PTPN2: variants seen among roughly 807,000 people sequenced by gnomAD.
The protein encoded by PTPN2 is tyrosine-protein phosphatase non-receptor type 2.
Under a neutral mutation model 57.3 loss-of-function variants are expected in PTPN2, and 19 were observed. The observed-to-expected ratio is 0.33, with a 90% CI of 0.23 to 0.49. The LOEUF is 0.49. Ranked by LOEUF, PTPN2 falls within the 20% of genes least tolerant of loss-of-function variation. The probability of loss-of-function intolerance (pLI) is 0.99; values close to 1 mark genes in which losing one functional copy is unlikely to be tolerated. For synonymous variants in PTPN2, 153 were observed against 164.9 expected (o/e 0.93, Z 0.55); for missense variants, 358 against 501.1 (o/e 0.71, Z 2.73).
chr18:12,875,298 G>A (rs1283876464), intron 1 of PTPN2, among the ~76,000 whole-genome samples: 5 of 137,116 alleles, frequency 3.6e-5, no homozygotes, highest in Non-Finnish European at 6.1e-5. Context: ...ACCCAAGAAT[G>A]ATCAATAAAA....
intron 2 of PTPN2, among the ~76,000 whole-genome samples, chr18:12,855,209 G>C (rs1049907621): frequency 1.3e-5 from 2 of 152,186 alleles, no homozygotes; most frequent in Non-Finnish European, 2.9e-5. Flanking sequence ...GGAGGGTGGA[G>C]AGACAAATGG....
chr18:12,882,115 T>C (rs890990065), intron 1 of PTPN2, among the ~76,000 whole-genome samples: 1 of 152,208 alleles, frequency 6.6e-6, no homozygotes, highest in African/African-American at 2.4e-5. Context: ...AATGGCTGAA[T>C]GGATGTTCTA....
chr18:12,797,029 C>T (rs1018754842), intron 8 of PTPN2, among the ~76,000 whole-genome samples: 18 of 152,108 alleles, frequency 1.2e-4, no homozygotes, highest in African/African-American at 4.1e-4. Context: ...TGTCTGAACT[C>T]CATCTGAATA....
chr18:12,817,966 C>A (rs1208675193), intron 5 of PTPN2, among the ~76,000 whole-genome samples: 2 of 152,082 alleles, frequency 1.3e-5, no homozygotes, highest in Non-Finnish European at 2.9e-5. Flanking sequence ...CATGGTGAAA[C>A]CCCGTTTCTA....
chr18:12,827,905 G>C (rs894041524), intron 4 of PTPN2, among the ~76,000 whole-genome samples: 1 of 151,930 alleles, frequency 6.6e-6, no homozygotes, highest in South Asian at 2.1e-4. Flanking sequence ...ATTTTAAAAA[G>C]TACTTGAAGT....
At chr18:12,832,299 TAG>T (rs1017602513) in intron 3 of PTPN2, among the ~76,000 whole-genome samples, 2 of 152,102 alleles carry the variant, frequency 1.3e-5, no homozygotes, top group Non-Finnish European at 1.5e-5. Context: ...GGATTTTTAG[TAG>T]AGACAGGGTT....
chr18:12,842,916 C>T (rs2043091393), intron 2 of PTPN2, among the ~76,000 whole-genome samples: 1 of 152,200 alleles, frequency 6.6e-6, no homozygotes, highest in Non-Finnish European at 1.5e-5. Flanking sequence ...AATGACAAAT[C>T]ACTATCAACC....
At chr18:12,858,804 C>T (rs898781339) in intron 2 of PTPN2, among the ~76,000 whole-genome samples, 1 of 152,174 alleles carries the variant, frequency 6.6e-6, no homozygotes, top group African/African-American at 2.4e-5. Context: ...ACACCAATAA[C>T]TATTTTAAGC....
intron 2 of PTPN2, 103 bp downstream of exon 2, chr18:12,859,061 T>G (rs2043697390): frequency 2.8e-6 from 2 of 717,896 alleles, no homozygotes; most frequent in Non-Finnish European, 4.5e-6. Flanking sequence ...GGAAAAAAAT[T>G]ACTGTATTTA....
chr18:12,830,979 T>G lies in PTPN2; in HGVS notation c.324A>C (p.Ala108=). The change falls in exon 4 of 9, where the codon GCA becomes GCC. Residue 108 remains alanine, a synonymous_variant. Transcript: ENST00000309660. ...CCACAATGCGGTTCAGCATGACAAC[T>G]GCTTTGGTCTTCTGCTGCCAAACCA... is the stretch of plus-strand genomic sequence containing the variant. ...WLMVWQQKTK[A]VVMLNRIVEK... 1.9e-6 allele frequency: 3 copies of G among 1,610,198 alleles called. No individual in the cohort carries two copies. The highest frequency in any genetic ancestry group is 2.5e-6 in the Non-Finnish European group (3 of 1,176,534).
intron 5 of PTPN2, among the ~76,000 whole-genome samples, chr18:12,823,794 C>T (rs576379100): frequency 1.4e-4 from 21 of 151,622 alleles, no homozygotes; most frequent in Admixed American, 1.1e-3. Context: ...ATATAAAATA[C>T]GGGGATAATA....
intron 1 of PTPN2, among the ~76,000 whole-genome samples, chr18:12,879,078 A>C (rs1026112893): frequency 2.0e-5 from 3 of 152,188 alleles, no homozygotes; most frequent in Non-Finnish European, 4.4e-5. Context: ...CATTACTCAA[A>C]AAGTCAGAAT....
intron 5 of PTPN2, among the ~76,000 whole-genome samples, chr18:12,820,692 A>C: frequency 6.7e-6 from 1 of 150,370 alleles, no homozygotes; most frequent in Admixed American, 6.6e-5. Flanking sequence ...TCGCTGCTTC[A>C]CCCCCCTCCC....
At chr18:12,847,194 T>C (rs1014301932) in intron 2 of PTPN2, among the ~76,000 whole-genome samples, 3 of 152,190 alleles carry the variant, frequency 2.0e-5, no homozygotes, top group Non-Finnish European at 2.9e-5. Context: ...TGCAACCCTC[T>C]ATAATTCATT....
chr18:12,813,389 G>A (rs2041963558), intron 7 of PTPN2, among the ~76,000 whole-genome samples: 2 of 152,128 alleles, frequency 1.3e-5, no homozygotes, highest in Admixed American at 1.3e-4. Flanking sequence ...GGCTCTGAGT[G>A]CCCTAATGTT....
chr18:12,785,529 G>C (rs1356850319), exon 10 of PTPN2: 1 of 450,868 alleles, frequency 2.2e-6, no homozygotes. Flanking sequence ...AAATACAGTA[G>C]GAATGGCAGT....
At chr18:12,835,090 C>T (rs1337515298) in intron 3 of PTPN2, among the ~76,000 whole-genome samples, 2 of 152,096 alleles carry the variant, frequency 1.3e-5, no homozygotes, top group Admixed American at 6.5e-5. Flanking sequence ...AAAAATTTGC[C>T]TGTAAGTGGA....
intron 1 of PTPN2, among the ~76,000 whole-genome samples, chr18:12,878,597 G>C (rs1341087566): frequency 2.0e-5 from 3 of 151,630 alleles, no homozygotes; most frequent in African/African-American, 4.8e-5. Flanking sequence ...TTGAACCTGG[G>C]GGGAGCAGAG....
chr18:12,832,130 T>TTA (rs1568125399), intron 3 of PTPN2, among the ~76,000 whole-genome samples: 2 of 152,168 alleles, frequency 1.3e-5, no homozygotes, highest in Non-Finnish European at 2.9e-5. Flanking sequence ...AAAGCATTTT[T>TTA]TATTTTTTGA....
Sources: allele counts gnomAD v4.1 joint callset (sites outside exome capture counted in the v4.1 genomes callset), GRCh38; gene constraint gnomAD v4.1.1; transcripts MANE v1.5; gene names NCBI Gene and HGNC (gene_info 2026-07-23, HGNC 2026-07-21).